Variants in DENND2B observed in about 807,000 individuals in gnomAD.
DENND2B encodes the protein DENN domain containing 2B, also known as DENN domain-containing protein 2B.
Under a neutral mutation model 116.0 loss-of-function variants are expected in DENND2B, and 32 were observed. The observed-to-expected ratio is 0.28, with a 90% CI of 0.21 to 0.37. The LOEUF is 0.37. Among genes scored for constraint, DENND2B ranks in the 10% least tolerant of loss-of-function variants. The pLI is 1.00. For missense variants in DENND2B, 1,276 were observed against 1,477.7 expected (o/e 0.86, Z 2.24); for synonymous variants, 588 against 583.9 (o/e 1.01, Z -0.10).
upstream of DENND2B, among the ~76,000 whole-genome samples, chr11:8,875,334 A>C (rs1248854090): frequency 6.6e-6 from 1 of 151,976 alleles, no homozygotes; most frequent in Non-Finnish European, 1.5e-5. Context: ...AAGAAAAAAA[A>C]AAAAAACTAC....
chr11:8,828,424 G>A (rs2062062244), intron 4 of DENND2B, among the ~76,000 whole-genome samples: 1 of 152,100 alleles, frequency 6.6e-6, no homozygotes. Flanking sequence ...GTCTTCAGGG[G>A]CTCCAATGCA....
chr11:8,845,082 T>C (rs998976107), intron 3 of DENND2B, among the ~76,000 whole-genome samples: 1 of 152,170 alleles, frequency 6.6e-6, no homozygotes, highest in African/African-American at 2.4e-5. Flanking sequence ...TTCTTCTGGA[T>C]TGGGTTTTCA....
rs145210722 is a variant in DENND2B at position 8,740,850 on chromosome 11, G to A, written c.81-9641C>T. Among the ~76,000 whole-genome samples the A allele has an allele frequency of 9.7e-3, 1,470 of 152,276 alleles. 27 individuals carry two copies. Among genetic ancestry groups the A allele is most frequent in the African/African-American group, 0.034 (1,410 of 41,542 alleles). Reference sequence around the variant, plus strand: ...AGTGACTGCCCCAATTCTGGGGATGGCATTCTCACTGCGCTACCCTAAAGC... The same window carrying A: ...AGTGACTGCCCCAATTCTGGGGATGACATTCTCACTGCGCTACCCTAAAGC... On this transcript the variant is annotated intron_variant, in intron 2 of 19. Transcript: ENST00000313726.
At position 8,697,618 on chromosome 11, in the gene DENND2B, A is replaced by T. The variant is rs746171418; in HGVS notation, c.2959T>A (p.Leu987Met). 6.2e-7 allele frequency: 1 copy of T among 1,613,982 alleles called. No homozygotes were observed. ...GCTGCCTGTAACTTCCTAGGTAACA[A>T]CGTGTCTTCGTCGTCCATCTGCAGG... ...FIRQMDDEDT[L>M]LPRKLQAALE... The change falls in exon 17 of 20, where the codon TTG (leucine) becomes ATG (methionine). Residue 987 changes from leucine to methionine, a missense_variant. Leu to Met is a conservative substitution (Grantham distance 15). This residue lies in a region of DENND2B where 420 missense variants were observed against 631.1 expected (regional missense o/e 0.67). Transcript: ENST00000313726.
rs1224860241 is a variant in DENND2B at position 8,714,798 on chromosome 11, TG to T, written c.1846-93del. 3.6e-6 allele frequency: 4 copies of T among 1,097,302 alleles called. No homozygotes were observed. The African/African-American group carries it at 6.2e-5, about 17-fold the overall frequency. The allele number at this position is 1,097,302 out of a possible 1,614,324, so 68.0% of individuals were successfully genotyped here. A position where few individuals can be genotyped will look rare whatever the true frequency, so the allele number is the denominator to read the frequency against. ...AGTAGGAGCCCATCCCTGCCCTTAA[TG>T]GTACAAGCTTTCTGCATTGCACCCG... On this transcript the variant is annotated intron_variant, in intron 6 of 19. Coordinates refer to ENST00000313726, the MANE Select transcript of DENND2B (RefSeq NM_213618.2).
At chr11:8,718,609 C>A in intron 4 of DENND2B, 1 of 1,341,414 alleles carries the variant, frequency 7.5e-7, no homozygotes, top group African/African-American at 1.5e-5. Flanking sequence ...CATCAACACT[C>A]CCCTTTTGGA....
chr11:8,910,764 A>C (rs1589905677), intron 1 of DENND2B: 1 of 149,936 alleles, frequency 6.7e-6, no homozygotes, highest in Non-Finnish European at 1.4e-5. Flanking sequence ...TATGTTGCCT[A>C]CCTAGCTGGT....
intron 1 of DENND2B, among the ~76,000 whole-genome samples, chr11:8,882,992 A>G (rs565371318): frequency 8.1e-4 from 124 of 152,336 alleles, no homozygotes; most frequent in African/African-American, 2.6e-3. Flanking sequence ...TGTCTCAATC[A>G]ATCAAATAAT....
chr11:8,837,493 G>A (rs1027208323), intron 4 of DENND2B, among the ~76,000 whole-genome samples: 1 of 151,974 alleles, frequency 6.6e-6, no homozygotes, highest in African/African-American at 2.4e-5. Flanking sequence ...GAATACAGGC[G>A]CCCGCCACCA....
At chr11:8,788,752 C>T (rs565553247) in intron 1 of DENND2B, among the ~76,000 whole-genome samples, 1 of 152,162 alleles carries the variant, frequency 6.6e-6, no homozygotes, top group Non-Finnish European at 1.5e-5. Context: ...CTGAACCTGG[C>T]GTACCCATCT....
intron 1 of DENND2B, among the ~76,000 whole-genome samples, chr11:8,766,895 G>C (rs572399752): frequency 2.1e-3 from 325 of 152,326 alleles, no homozygotes; most frequent in Non-Finnish European, 3.7e-3. Context: ...CAGTGACTCA[G>C]AAAAGGAAAG....
At chr11:8,881,613 G>A (rs2063904507) in intron 1 of DENND2B, among the ~76,000 whole-genome samples, 1 of 152,170 alleles carries the variant, frequency 6.6e-6, no homozygotes, top group Non-Finnish European at 1.5e-5. Flanking sequence ...TCGGCCCACT[G>A]CAACCTCTGC....
chr11:8,696,576 C>T lies in DENND2B; in HGVS notation c.3143G>A (p.Ser1048Asn), dbSNP rs1166963223. The T allele has an allele frequency of 3.1e-6, 5 of 1,614,194 alleles. No individual in the cohort carries two copies. The highest frequency in any genetic ancestry group is 4.2e-6 in the Non-Finnish European group (5 of 1,180,048). The change falls in exon 18 of 20, where the codon AGT (serine) becomes AAT (asparagine). Residue 1048 changes from serine to asparagine, a missense_variant. By Grantham distance (46) the Ser-to-Asn change is conservative. Coordinates refer to ENST00000313726, the MANE Select transcript of DENND2B (RefSeq NM_213618.2). ...CTGAAAGGCCCTCTCTCCCTTCTCA[C>T]TCTGTGTCAGAAAGAGGGAGTAGTG... The part of the protein sequence containing the change: ...VGHYSLFLTQ[S>N]EKGERAFQRE...
intron 1 of DENND2B, among the ~76,000 whole-genome samples, chr11:8,891,703 T>C (rs956962041): frequency 6.6e-5 from 10 of 152,204 alleles, no homozygotes; most frequent in Admixed American, 2.0e-4. Context: ...ATCCTAAATA[T>C]ATATGCACCC....
chr11:8,793,222 T>C (rs2059537332), intron 1 of DENND2B, among the ~76,000 whole-genome samples: 1 of 152,240 alleles, frequency 6.6e-6, no homozygotes, highest in African/African-American at 2.4e-5. Flanking sequence ...AAATTCCCCA[T>C]TTAAAAGTGT....
intron 3 of DENND2B, among the ~76,000 whole-genome samples, chr11:8,855,360 T>C (rs865917915): frequency 2.6e-5 from 4 of 151,642 alleles, no homozygotes; most frequent in East Asian, 2.0e-4. Context: ...GCCCATCTTA[T>C]GTTCCTCTCT....
At chr11:8,869,948 T>C (rs1437770636) in intron 2 of DENND2B, among the ~76,000 whole-genome samples, 3 of 151,772 alleles carry the variant, frequency 2.0e-5, no homozygotes, top group South Asian at 4.2e-4. Flanking sequence ...AAAAATCAAT[T>C]AAGGGATTCA....
chr11:8,853,067 T>C (rs931193615), intron 3 of DENND2B, among the ~76,000 whole-genome samples: 2 of 152,108 alleles, frequency 1.3e-5, no homozygotes, highest in African/African-American at 4.8e-5. Context: ...TTGCTGTCTT[T>C]ATGAAAGAAG....
At chr11:8,735,631 ATCTC>A (rs749570402) in intron 2 of DENND2B, among the ~76,000 whole-genome samples, 1 of 152,184 alleles carries the variant, frequency 6.6e-6, no homozygotes, top group African/African-American at 2.4e-5. Context: ...TCTGGATTGG[ATCTC>A]TCTCTCACTA....
Sources: gnomAD v4.1 joint callset for allele counts (sites outside exome capture counted in the v4.1 genomes callset) on GRCh38, gnomAD v4.1.1 for gene constraint, gnomAD v4.1.1 regional missense constraint, MANE v1.5 for transcripts, NCBI Gene and HGNC (gene_info 2026-07-23, HGNC 2026-07-21) for gene names.